The following NKAIN1 variants were observed in gnomAD, a reference collection of about 807,000 sequenced individuals.
NKAIN1 encodes the protein sodium/potassium transporting ATPase interacting 1.
A neutral mutation model predicts 31.6 loss-of-function variants in NKAIN1; 13 were observed. The ratio of observed to expected loss-of-function variants is 0.41; its 90% CI spans 0.27 to 0.65. NKAIN1 has a LOEUF of 0.65. Ranked by LOEUF, NKAIN1 falls within the 30% of genes least tolerant of loss-of-function variation. The pLI, the probability that NKAIN1 is intolerant of heterozygous loss-of-function variation, is 0.30. For missense variants in NKAIN1, 193 were observed against 262.2 expected (o/e 0.74, Z 1.82); for synonymous variants, 104 against 109.0 (o/e 0.95, Z 0.28).
rs556366009 is a variant in NKAIN1, at chr1:31,232,474, G to C, written c.54+7020C>G. 1.8e-4 allele frequency among the ~76,000 whole-genome samples: 21 copies of C among 119,056 alleles called. No homozygotes were observed. The South Asian group carries it at 3.3e-3, about 19-fold the overall frequency. 78.1% of individuals were successfully genotyped at this position (119,056 alleles called of 152,430 possible). A position where few individuals can be genotyped will look rare whatever the true frequency, so the allele number is the denominator to read the frequency against. On this transcript the variant is annotated intron_variant, in intron 1 of 6. Coordinates refer to ENST00000373736, the MANE Select transcript of NKAIN1 (RefSeq NM_024522.3). ...AGAGAGAGAGAGAGAGAGAGAGAGT[G>C]GGGGAGGTCTCACTATGTTCCCCAG... is the stretch of plus-strand genomic sequence containing the variant.
chr1:31,224,490 A>G (rs2148365139), intron 1 of NKAIN1, among the ~76,000 whole-genome samples: 1 of 152,346 alleles, frequency 6.6e-6, no homozygotes, highest in Non-Finnish European at 1.5e-5. Flanking sequence ...CAATAAACCC[A>G]TCGTAAGTCA....
intron 1 of NKAIN1, among the ~76,000 whole-genome samples, chr1:31,215,820 T>G (rs1161958787): frequency 6.6e-6 from 1 of 152,222 alleles, no homozygotes; most frequent in Non-Finnish European, 1.5e-5. Flanking sequence ...GAAGGGTTTC[T>G]CTTCAGAATA....
chr1:31,225,046 T>TTTTTTTTTTTTTTTTTTA (rs1447205406), intron 1 of NKAIN1, among the ~76,000 whole-genome samples: 1 of 148,706 alleles, frequency 6.7e-6, no homozygotes, highest in Non-Finnish European at 1.5e-5. Flanking sequence ...TTTTTTTTTT[T>TTTTTTTTTTTTTTTTTTA]GAGACGGACT....
intron 1 of NKAIN1, among the ~76,000 whole-genome samples, chr1:31,205,613 G>GTTTTTTTT (rs761138403): frequency 2.0e-4 from 19 of 96,526 alleles, no homozygotes; most frequent in South Asian, 3.9e-4. Flanking sequence ...AGCCGGACAA[G>GTTTTTTTT]TTTTTTTTTT....
chr1:31,204,841 G>T (rs1258906881), intron 1 of NKAIN1, among the ~76,000 whole-genome samples: 1 of 152,074 alleles, frequency 6.6e-6, no homozygotes, highest in African/African-American at 2.4e-5. Flanking sequence ...TGGAAGTGAT[G>T]GGGGGAAGGC....
At chr1:31,216,665 TC>T (rs1645514921) in intron 1 of NKAIN1, among the ~76,000 whole-genome samples, 1 of 145,580 alleles carries the variant, frequency 6.9e-6, no homozygotes, top group African/African-American at 2.6e-5. Context: ...GGGTTTGATC[TC>T]CTAGGAACGC....
chr1:31,205,046 T>G (rs56139721), intron 1 of NKAIN1, among the ~76,000 whole-genome samples: 6,134 of 152,254 alleles, frequency 0.04, 344 homozygotes, highest in African/African-American at 0.12. Flanking sequence ...AACAATAATA[T>G]CTACTTCCTG....
chr1:31,213,011 T>A (rs1359293597), intron 1 of NKAIN1, among the ~76,000 whole-genome samples: 1 of 145,370 alleles, frequency 6.9e-6, no homozygotes, highest in Non-Finnish European at 1.5e-5. Flanking sequence ...AATAAATAAA[T>A]AAATACACAA....
At chr1:31,195,781 C>T (rs1414993963) in intron 1 of NKAIN1, among the ~76,000 whole-genome samples, 6 of 149,036 alleles carry the variant, frequency 4.0e-5, no homozygotes, top group African/African-American at 9.9e-5. Context: ...AAAACTCAGC[C>T]GGGCGTGGTG....
chr1:31,232,426 GAGAGAGAGAGAGAGAGA>G lies in NKAIN1; in HGVS notation c.54+7051_54+7067del, dbSNP rs1645659741. 4.0e-4 allele frequency among the ~76,000 whole-genome samples: 5 copies of G among 12,486 alleles called. 1 individual carries two copies. The highest frequency in any genetic ancestry group is 1.1e-3 in the African/African-American group (5 of 4,400). The allele number at this position is 12,486 out of a possible 152,430, so 8.2% of individuals were successfully genotyped here. On this transcript the variant is annotated intron_variant, in intron 1 of 6. Coordinates refer to ENST00000373736, the MANE Select transcript of NKAIN1 (RefSeq NM_024522.3). The stretch of plus-strand genomic sequence containing the variant: ...ATATATATATATATATATATATATA[GAGAGAGAGAGAGAGAGA>G]GAGAGAGAGAGAGAGAGAGAGAGAG...
chr1:31,188,664 G>A (rs1337386702), intron 1 of NKAIN1, among the ~76,000 whole-genome samples: 1 of 152,148 alleles, frequency 6.6e-6, no homozygotes, highest in Admixed American at 6.5e-5. Context: ...TGCAAAATTG[G>A]CCTCGAATCC....
intron 3 of NKAIN1, 97 bp downstream of exon 3, chr1:31,185,150 G>A (rs1645232881): frequency 5.4e-6 from 5 of 927,420 alleles, no homozygotes; most frequent in East Asian, 2.7e-5. Context: ...AGACTTCTTC[G>A]AGACATGATG....
At chr1:31,187,482 C>A (rs943411880) in intron 2 of NKAIN1, among the ~76,000 whole-genome samples, 2 of 152,096 alleles carry the variant, frequency 1.3e-5, no homozygotes, top group African/African-American at 4.8e-5. Flanking sequence ...TGATGTACAT[C>A]GGGCAAGAGA....
In NKAIN1 at chr1:31,181,946, G is replaced by C. The variant is rs770746044; in HGVS notation, c.533-5C>G. Reference sequence around the variant, plus strand: ...CAAAGCCGCCGATGAAGTCAACTGCGGAAGAGGGGCGGCGCATGTTAGGGA... The same window carrying C: ...CAAAGCCGCCGATGAAGTCAACTGCCGAAGAGGGGCGGCGCATGTTAGGGA... On this transcript the variant is annotated splice_region_variant and splice_polypyrimidine_tract_variant and intron_variant, in intron 5 of 6. Coordinates refer to ENST00000373736, the MANE Select transcript of NKAIN1 (RefSeq NM_024522.3). 6.2e-7 allele frequency: 1 copy of C among 1,604,654 alleles called. No homozygotes were observed. Among genetic ancestry groups the C allele is most frequent in the Non-Finnish European group, 8.5e-7 (1 of 1,176,308 alleles).
Position 31,214,038 on chromosome 1 carries a change from A to AG in NKAIN1, c.54+25455_54+25456insC, listed in dbSNP as rs1645491834. 2.0e-5 allele frequency among the ~76,000 whole-genome samples: 3 copies of AG among 151,404 alleles called. No individual in the cohort carries two copies. In the South Asian group the frequency reaches 6.2e-4, roughly 31 times the overall value. On this transcript the variant is annotated intron_variant, in intron 1 of 6. Transcript: ENST00000373736. The stretch of plus-strand genomic sequence containing the variant: ...AATTAATTAATTAATTAATTAATTA[A>AG]TTAAACAAAATAAAAATTTAAGAAG...
chr1:31,201,911 C>T lies in NKAIN1; in HGVS notation c.55-13724G>A, dbSNP rs145088105. 1.2e-3 allele frequency among the ~76,000 whole-genome samples: 185 copies of T among 152,310 alleles called. 2 individuals carry two copies. Among genetic ancestry groups the T allele is most frequent in the Middle Eastern group, 3.4e-3 (1 of 292 alleles). ...CTGGAGGGGTAATCTTCCTCCTCCT[C>T]GGGACAGGTCCTGGACCCCCAATCC... On this transcript the variant is annotated intron_variant, in intron 1 of 6. Coordinates refer to ENST00000373736, the MANE Select transcript of NKAIN1 (RefSeq NM_024522.3).
chr1:31,202,827 A>G (rs1281679024), intron 1 of NKAIN1, among the ~76,000 whole-genome samples: 2 of 149,478 alleles, frequency 1.3e-5, no homozygotes, highest in Non-Finnish European at 1.5e-5. Context: ...AAATATAAAA[A>G]TTAGCTGGGC....
chr1:31,200,080 C>G (rs529689723), intron 1 of NKAIN1, among the ~76,000 whole-genome samples: 2 of 152,138 alleles, frequency 1.3e-5, no homozygotes, highest in South Asian at 4.1e-4. Context: ...CGAACACATG[C>G]GCGCACACGC....
intron 1 of NKAIN1, among the ~76,000 whole-genome samples, chr1:31,220,360 CCATCTGTGTCCCAACATGATCACTGATAG>C (rs967479416): frequency 3.3e-5 from 5 of 151,996 alleles, no homozygotes; most frequent in African/African-American, 1.2e-4. Context: ...ATAATGCTCA[CCATCTGTGTCCCAACATGATCACTGATAG>C]CATCTGAGTC....
Sources: allele counts gnomAD v4.1 joint callset (sites outside exome capture counted in the v4.1 genomes callset), GRCh38; gene constraint gnomAD v4.1.1; transcripts MANE v1.5; gene names NCBI Gene and HGNC (gene_info 2026-07-23, HGNC 2026-07-21).